Variants in ABLIM2 observed in about 807,000 individuals in gnomAD.
ABLIM2 encodes actin-binding LIM protein 2.
In ABLIM2, 53 loss-of-function variants were observed where a neutral mutation model predicts 97.7. The observed-to-expected ratio is 0.54, with a 90% CI of 0.44 to 0.68. The LOEUF (loss-of-function observed/expected upper bound fraction) is 0.68, where lower values mean the gene tolerates loss of function less well. Among genes scored for constraint, ABLIM2 ranks in the 30% least tolerant of loss-of-function variants. The pLI is 0.00. For synonymous variants in ABLIM2, 361 were observed against 345.8 expected, an observed-to-expected ratio of 1.04 and a Z score of -0.49; for missense variants, 835 against 867.2, an observed-to-expected ratio of 0.96 and a Z score of 0.47.
At chr4:8,139,025 C>T (rs182658595) in intron 1 of ABLIM2, among the ~76,000 whole-genome samples, 386 of 152,268 alleles carry the variant, frequency 2.5e-3, no homozygotes, top group African/African-American at 9.1e-3. Flanking sequence ...GGCGAAACGC[C>T]GTCTCTAATA....
chr4:8,078,872 C>T (rs2152425214), intron 5 of ABLIM2, among the ~76,000 whole-genome samples: 1 of 152,344 alleles, frequency 6.6e-6, no homozygotes, highest in East Asian at 1.9e-4. Context: ...GGGTGACTGG[C>T]ACAGAGCGAG....
rs1228215168 is a variant in ABLIM2 at position 8,086,349 on chromosome 4, C to CT, written c.454+1819dup. Among the ~76,000 whole-genome samples, 1,133 of 122,978 alleles carry CT rather than the reference C, an allele frequency of 9.2e-3. 22 individuals are homozygous for CT. The highest frequency in any genetic ancestry group is 0.02 in the African/African-American group (700 of 34,792). 80.7% of individuals were successfully genotyped at this position (122,978 alleles called of 152,430 possible). A position where few individuals can be genotyped will look rare whatever the true frequency, so the allele number is the denominator to read the frequency against. Reference sequence around the variant, plus strand: ...TTGGTCATATTTCCATCCCCTCCCACTTTTTTTTTTTTTTTTTTTTGACAT... The same window carrying CT: ...TTGGTCATATTTCCATCCCCTCCCACTTTTTTTTTTTTTTTTTTTTTGACAT... On this transcript the variant is annotated intron_variant, in intron 4 of 20. Coordinates refer to ENST00000447017, the MANE Select transcript of ABLIM2 (RefSeq NM_001130083.2).
intron 8 of ABLIM2, among the ~76,000 whole-genome samples, chr4:8,049,602 C>T (rs1455860150): frequency 1.3e-5 from 2 of 152,228 alleles, no homozygotes; most frequent in Non-Finnish European, 2.9e-5. Context: ...TGATGAGAAA[C>T]ATTTACAGTC....
rs555869085 is a variant in ABLIM2 at position 8,023,229 on chromosome 4, C to G, written c.1268-2926G>C. 1 of 152,350 alleles carries G rather than the reference C, an allele frequency of 6.6e-6. No homozygotes were observed. 9.4% of individuals were successfully genotyped at this position (152,350 alleles called of 1,614,324 possible). On this transcript the variant is annotated intron_variant, in intron 12 of 20. Coordinates refer to ENST00000447017, the MANE Select transcript of ABLIM2 (RefSeq NM_001130083.2). This position sits in a 1 kb window ranked among gnomAD's most constrained non-coding sequence, Gnocchi z 5.7. ...TGCCCACAGATTGGTGCCACCTGCA[C>G]GCCGCACGGGATTCGGGTTTCCCCG...
chr4:8,019,078 G>A lies in ABLIM2; in HGVS notation c.1423+540C>T, dbSNP rs895276552. On this transcript the variant is annotated intron_variant, in intron 14 of 20. Transcript: ENST00000447017. The surrounding 1 kb of genome is among the most constrained non-coding windows in gnomAD (Gnocchi z 4.3). ...CTGCGCACCTCCCAGGCAGGTTCAC[G>A]TGGAGCAGAGCTGGGCGTCAGCTCC... 2.3e-4 allele frequency among the ~76,000 whole-genome samples: 35 copies of A among 152,180 alleles called. No homozygotes were observed. The highest frequency in any genetic ancestry group is 8.3e-4 in the South Asian group (4 of 4,828).
chr4:8,116,325 C>A (rs1311664753), intron 1 of ABLIM2, among the ~76,000 whole-genome samples: 1 of 152,186 alleles, frequency 6.6e-6, no homozygotes, highest in African/African-American at 2.4e-5. Flanking sequence ...TCTGTGCATG[C>A]CCCCCAAGGG....
At position 8,008,164 on chromosome 4, in the gene ABLIM2, C is replaced by T. The variant is rs760659355; in HGVS notation, c.1513G>A (p.Asp505Asn). The T allele has an allele frequency of 3.7e-6, 6 of 1,613,888 alleles. No homozygotes were observed. The highest frequency in any genetic ancestry group is 2.7e-5 in the African/African-American group (2 of 74,932). The change falls in exon 16 of 21, where the codon GAC becomes AAC. Residue 505 changes from aspartate (D) to asparagine (N), a missense_variant. Transcript: ENST00000447017. ...SSWLMLKGDADTRTNSPDLDT... is the reference protein window; with the variant it reads ...SSWLMLKGDANTRTNSPDLDT... ...AGGTCTGGAGAATTGGTCCTTGTGT[C>T]TGCATCCCCCTTGAGCATCAGCCAG...
In ABLIM2 at chr4:8,015,046, G is replaced by A. The variant is rs568638090; in HGVS notation, c.1423+4572C>T. Among the ~76,000 whole-genome samples, 28 of 151,764 alleles carry A rather than the reference G, an allele frequency of 1.8e-4. 1 individual carries two copies. The East Asian group carries it at 2.7e-3, about 15-fold the overall frequency. The stretch of plus-strand genomic sequence containing the variant: ...AGCAATTCTCGTACTTCAGCCTCCC[G>A]AGTAGCTGGGATTACAGGCGCCGGC... On this transcript the variant is annotated intron_variant, in intron 14 of 20. Transcript: ENST00000447017. This position sits in a 1 kb window ranked among gnomAD's most constrained non-coding sequence, Gnocchi z 4.6.
intron 5 of ABLIM2, among the ~76,000 whole-genome samples, chr4:8,080,027 T>TTAAA (rs1186883907): frequency 1.6e-4 from 24 of 152,138 alleles, no homozygotes; most frequent in Middle Eastern, 3.4e-3. Context: ...TCCCCCAGGG[T>TTAAA]TAAAACCGAC....
chr4:7,984,020 T>G (rs1326288551), intron 18 of ABLIM2, among the ~76,000 whole-genome samples: 1 of 151,820 alleles, frequency 6.6e-6, no homozygotes, highest in African/African-American at 2.4e-5. Flanking sequence ...TTCAAACTAC[T>G]GAGCTCTGCC....
intron 15 of ABLIM2, among the ~76,000 whole-genome samples, chr4:8,008,739 T>C (rs1560574786): frequency 6.6e-6 from 1 of 152,234 alleles, no homozygotes; most frequent in African/African-American, 2.4e-5. Flanking sequence ...GAACGTCTGA[T>C]GAACCTGTCC....
rs1205455523 is a variant in ABLIM2, at chr4:8,140,988, C to T, written c.10+17692G>A. Among the ~76,000 whole-genome samples the T allele has an allele frequency of 6.6e-6, 1 of 152,144 alleles. No homozygotes were observed. The highest frequency in any genetic ancestry group is 1.5e-5 in the Non-Finnish European group (1 of 68,032). On this transcript the variant is annotated intron_variant, in intron 1 of 20. Transcript: ENST00000447017. The surrounding 1 kb of genome is among the most constrained non-coding windows in gnomAD (Gnocchi z 5.9). ...TGGGCTGGTCTCCAAGGCCACTGAA[C>T]CTGACCTCAGGCTCAGGTGGACCCT... is the stretch of plus-strand genomic sequence containing the variant.
chr4:8,063,354 C>T (rs1373721905), intron 6 of ABLIM2, among the ~76,000 whole-genome samples: 9 of 152,242 alleles, frequency 5.9e-5, no homozygotes, highest in East Asian at 1.9e-4. Flanking sequence ...CGTGAGCCAC[C>T]GTGTCCAGCC....
intron 1 of ABLIM2, among the ~76,000 whole-genome samples, chr4:8,141,128 C>G (rs544483550): frequency 3.3e-5 from 5 of 152,104 alleles, no homozygotes; most frequent in Non-Finnish European, 7.4e-5. Flanking sequence ...TGGGAACAGA[C>G]AGCCCTGAGC....
At chr4:8,080,610 T>C (rs1819172279) in intron 5 of ABLIM2, 66 bp downstream of exon 5, 1 of 1,479,736 alleles carries the variant, frequency 6.8e-7, no homozygotes, top group Non-Finnish European at 9.0e-7. Flanking sequence ...ACGTGCAGAG[T>C]GTGGGACCCC....
intron 1 of ABLIM2, among the ~76,000 whole-genome samples, chr4:8,142,843 C>T (rs1361708268): frequency 5.3e-5 from 8 of 152,220 alleles, no homozygotes; most frequent in South Asian, 2.1e-4. Context: ...TTCTGGTCAA[C>T]GAGCCCTCAA....
At chr4:8,012,289 C>A (rs1165192533) in intron 14 of ABLIM2, among the ~76,000 whole-genome samples, 2 of 150,520 alleles carry the variant, frequency 1.3e-5, no homozygotes, top group African/African-American at 4.9e-5. Context: ...TCCATCTAAC[C>A]ATCCATCCAC....
intron 4 of ABLIM2, among the ~76,000 whole-genome samples, chr4:8,084,042 T>G (rs892438894): frequency 6.7e-6 from 1 of 149,582 alleles, no homozygotes; most frequent in Admixed American, 6.7e-5. Context: ...GTCAGGGGAG[T>G]AGGGGGGAGT....
rs1308510480 is a variant in ABLIM2, at chr4:8,004,192, GAGAGACAAGC to G, written c.1618+3857_1618+3866del. 6.6e-6 allele frequency among the ~76,000 whole-genome samples: 1 copy of G among 151,866 alleles called. No individual in the cohort carries two copies. The highest frequency in any genetic ancestry group is 2.0e-4 in the East Asian group (1 of 5,126). On this transcript the variant is annotated intron_variant, in intron 16 of 20. Coordinates refer to ENST00000447017, the MANE Select transcript of ABLIM2 (RefSeq NM_001130083.2). This position sits in a 1 kb window ranked among gnomAD's most constrained non-coding sequence, Gnocchi z 5.9. The stretch of plus-strand genomic sequence containing the variant: ...CAACGGGCTCCGAGACCAGGCAGCA[GAGAGACAAGC>G]AGAGACAAGCACCTCCCACCAGACA...
Sources: allele counts gnomAD v4.1 joint callset (sites outside exome capture counted in the v4.1 genomes callset), GRCh38; gene constraint gnomAD v4.1.1; non-coding constraint Gnocchi (gnomAD v3.1); transcripts MANE v1.5; gene names NCBI Gene and HGNC (gene_info 2026-07-23, HGNC 2026-07-21).